The following ALG14 variants were observed in gnomAD, a reference collection of about 807,000 sequenced individuals.
ALG14 encodes the protein ALG14 UDP-N-acetylglucosaminyltransferase subunit, also known as UDP-N-acetylglucosamine transferase subunit ALG14.
A neutral mutation model predicts 22.8 loss-of-function variants in ALG14; 17 were observed. The ratio of observed to expected loss-of-function variants is 0.75; its 90% confidence interval spans 0.51 to 1.12. The LOEUF (loss-of-function observed/expected upper bound fraction) is 1.12, where lower values mean the gene tolerates loss of function less well. ALG14 is among the 50% of genes most tolerant of loss of function. The pLI, the probability that ALG14 is intolerant of heterozygous loss-of-function variation, is 0.00. For synonymous variants in ALG14, 89 were observed against 103.7 expected (o/e 0.86, Z 0.86); for missense variants, 288 against 271.8 (o/e 1.06, Z -0.42).
intron 3 of ALG14, among the ~76,000 whole-genome samples, chr1:95,012,897 C>T (rs1673405742): frequency 6.6e-6 from 1 of 151,996 alleles, no homozygotes; most frequent in Non-Finnish European, 1.5e-5. Flanking sequence ...CTTTGGGAGG[C>T]CGATGAGGGC....
At chr1:95,036,971 C>T (rs185980599) in intron 2 of ALG14, among the ~76,000 whole-genome samples, 36 of 152,306 alleles carry the variant, frequency 2.4e-4, no homozygotes, top group African/African-American at 8.2e-4. Context: ...TGAGGCTGCA[C>T]TCCAGCTCTG....
At chr1:95,058,691 C>CAAA (rs11422775) in intron 2 of ALG14, among the ~76,000 whole-genome samples, 1 of 135,806 alleles carries the variant, frequency 7.4e-6, no homozygotes, top group Non-Finnish European at 1.6e-5. Context: ...TAACCTTTCT[C>CAAA]AAAAAAAAAA....
intron 3 of ALG14, among the ~76,000 whole-genome samples, chr1:95,001,470 A>C (rs902319183): frequency 6.6e-6 from 1 of 152,110 alleles, no homozygotes; most frequent in African/African-American, 2.4e-5. Context: ...TGATAAAGTG[A>C]ATAATTTGAT....
intron 2 of ALG14, among the ~76,000 whole-genome samples, chr1:95,045,074 T>C (rs911785582): frequency 3.9e-5 from 6 of 152,180 alleles, no homozygotes; most frequent in African/African-American, 1.2e-4. Context: ...CAGTGTTTAA[T>C]ATTTTAGGTC....
At chr1:95,051,385 C>T (rs1341757421) in intron 2 of ALG14, among the ~76,000 whole-genome samples, 1 of 152,192 alleles carries the variant, frequency 6.6e-6, no homozygotes, top group Admixed American at 6.5e-5. Context: ...CTTCCTTCTC[C>T]CGCATCCACT....
chr1:95,027,148 T>C lies in ALG14; in HGVS notation c.401A>G (p.His134Arg). 1 of 1,614,016 alleles carries C rather than the reference T, an allele frequency of 6.2e-7. No homozygotes were observed. Among genetic ancestry groups the C allele is most frequent in the African/African-American group, 1.3e-5 (1 of 74,990 alleles). The change falls in exon 3 of 4, where the codon CAC becomes CGC. Residue 134 changes from histidine to arginine, a missense_variant. His to Arg is a conservative substitution (Grantham distance 29). Transcript: ENST00000370205. ...HSMWLSFPLI[H>R]RVKPDLVLCN... is the part of the protein sequence containing the mutation. ...ACTTACCAAATCTGGCTTCACCCTG[T>C]GAATTAGGGGAAAGGAGAGCCACAT...
intron 3 of ALG14, among the ~76,000 whole-genome samples, chr1:94,997,687 G>T (rs767130436): frequency 5.9e-5 from 9 of 152,188 alleles, no homozygotes; most frequent in Admixed American, 1.3e-4. Flanking sequence ...CTTCCCTTAT[G>T]GGGTTTTAGC....
At position 94,983,254 on chromosome 1, in the gene ALG14, A is replaced by G. The variant is rs1481022129; in HGVS notation, c.473T>C (p.Leu158Pro). 2 of 1,614,058 alleles carry G rather than the reference A, an allele frequency of 1.2e-6. No homozygotes were observed. Among genetic ancestry groups the G allele is most frequent in the African/African-American group, 2.7e-5 (2 of 74,922 alleles). Residue 158 changes from leucine (L) to proline (P), a missense_variant, in exon 4 of 4, where the codon CTC becomes CCC. Transcript: ENST00000370205. ...TTTCTTTATTCCTAGTATCCCAAGG[A>G]GAAGGGCAGATACACAGATAGGAAC... ...TCVPICVSAL[L>P]LGILGIKKVI... is the part of the protein sequence containing the mutation.
chr1:95,060,703 G>A (rs144110504), intron 2 of ALG14, among the ~76,000 whole-genome samples: 2 of 151,962 alleles, frequency 1.3e-5, no homozygotes, highest in South Asian at 2.1e-4. Context: ...GTGACAAAGT[G>A]AGACTCTGTT....
intron 2 of ALG14, among the ~76,000 whole-genome samples, chr1:95,048,971 A>G (rs1484650600): frequency 2.0e-5 from 3 of 152,178 alleles, no homozygotes; most frequent in South Asian, 4.1e-4. Context: ...GTAATTATAA[A>G]TAAGGTGAAT....
At chr1:94,998,367 G>A (rs1672961560) in intron 3 of ALG14, among the ~76,000 whole-genome samples, 1 of 152,120 alleles carries the variant, frequency 6.6e-6, no homozygotes, top group Admixed American at 6.5e-5. Flanking sequence ...TTGAAACAGA[G>A]AGCTGGGTCT....
chr1:95,024,424 TA>T (rs1262173270), intron 3 of ALG14, among the ~76,000 whole-genome samples: 1 of 152,236 alleles, frequency 6.6e-6, no homozygotes, highest in Non-Finnish European at 1.5e-5. Flanking sequence ...GCATTAAAGA[TA>T]TTTTTTAAAA....
intron 3 of ALG14, among the ~76,000 whole-genome samples, chr1:95,025,262 T>C (rs1248946679): frequency 6.6e-6 from 1 of 152,228 alleles, no homozygotes; most frequent in Non-Finnish European, 1.5e-5. Flanking sequence ...AGTAATATTT[T>C]GAAAGGAAGC....
chr1:94,983,552 C>T, intron 3 of ALG14: 1 of 500,570 alleles, frequency 2.0e-6, no homozygotes, highest in Non-Finnish European at 3.6e-6. Context: ...CACTTAACTT[C>T]TAACTTCTAG....
Position 95,072,801 on chromosome 1 carries a change from G to A in ALG14, c.98C>T (p.Pro33Leu), listed in dbSNP as rs200080963. The A allele has an allele frequency of 1.2e-4, 188 of 1,614,034 alleles. 1 individual carries two copies. The Middle Eastern group carries it at 3.3e-3, about 28-fold the overall frequency. ...WVVLRSMDVT[P>L]RESLSILVVA... is the part of the protein sequence containing the mutation. Reference sequence around the variant, plus strand: ...TACCAAGATACTGAGAGACTCCCGGGGCGTAACGTCCATGGAACGAAGCAC... The same window carrying A: ...TACCAAGATACTGAGAGACTCCCGGAGCGTAACGTCCATGGAACGAAGCAC... The change falls in exon 1 of 4, where the codon CCC becomes CTC. Residue 33 changes from proline to leucine, a missense_variant. Coordinates refer to ENST00000370205, the MANE Select transcript of ALG14 (RefSeq NM_144988.4).
intron 3 of ALG14, among the ~76,000 whole-genome samples, chr1:95,014,043 T>C (rs901220689): frequency 1.3e-5 from 2 of 152,154 alleles, no homozygotes; most frequent in Non-Finnish European, 2.9e-5. Context: ...ACTTTTATCA[T>C]TTTTTATTTA....
intron 2 of ALG14, among the ~76,000 whole-genome samples, chr1:95,028,642 A>G (rs1430792246): frequency 6.6e-6 from 1 of 151,252 alleles, no homozygotes; most frequent in Non-Finnish European, 1.5e-5. Flanking sequence ...ACATGGTGAA[A>G]CCCCATTCTC....
chr1:95,031,622 T>C (rs1432809425), intron 2 of ALG14, among the ~76,000 whole-genome samples: 4 of 152,200 alleles, frequency 2.6e-5, no homozygotes, highest in African/African-American at 9.7e-5. Flanking sequence ...GAGATATCTT[T>C]CCTGACTAGC....
intron 3 of ALG14, among the ~76,000 whole-genome samples, chr1:95,003,327 T>G (rs978815277): frequency 6.6e-6 from 1 of 152,144 alleles, no homozygotes; most frequent in African/African-American, 2.4e-5. Context: ...ACTTCATGTT[T>G]TGGAAGATAC....
Sources: gnomAD v4.1 joint callset for allele counts (sites outside exome capture counted in the v4.1 genomes callset) on GRCh38, gnomAD v4.1.1 for gene constraint, MANE v1.5 for transcripts, NCBI Gene and HGNC (gene_info 2026-07-23, HGNC 2026-07-21) for gene names.